The following NAPEPLD variants were observed in gnomAD, a reference collection of about 807,000 sequenced individuals.
The protein encoded by NAPEPLD is N-acyl-phosphatidylethanolamine-hydrolyzing phospholipase D.
NAPEPLD carries 23 observed loss-of-function variants against 38.1 expected under a neutral mutation model. The observed-to-expected ratio is 0.60, with a 90% CI of 0.43 to 0.86. The LOEUF is 0.86. NAPEPLD is among the 40% of genes least tolerant of loss of function. The pLI is 0.00. For synonymous variants in NAPEPLD, 147 were observed against 162.0 expected, an observed-to-expected ratio of 0.91 and a Z score of 0.71; for missense variants, 411 against 476.8, an observed-to-expected ratio of 0.86 and a Z score of 1.28.
intron 1 of NAPEPLD, among the ~76,000 whole-genome samples, chr7:103,143,976 C>T (rs574670697): frequency 4.6e-5 from 7 of 152,194 alleles, no homozygotes; most frequent in Admixed American, 3.9e-4. Context: ...AGCCACGGCA[C>T]CTGGTCCATT....
intron 4 of NAPEPLD, among the ~76,000 whole-genome samples, chr7:103,108,574 A>G (rs1237554971): frequency 6.6e-6 from 1 of 152,214 alleles, no homozygotes; most frequent in Non-Finnish European, 1.5e-5. Flanking sequence ...CCTGCCTTAC[A>G]AGAGCTCCTG....
At chr7:103,104,316 G>A (rs1007909173) in intron 4 of NAPEPLD, among the ~76,000 whole-genome samples, 5 of 152,208 alleles carry the variant, frequency 3.3e-5, no homozygotes, top group African/African-American at 9.7e-5. Flanking sequence ...CAGCAGGTAG[G>A]TGGTATTTGA....
At chr7:103,116,303 T>G (rs1182242778) in intron 3 of NAPEPLD, among the ~76,000 whole-genome samples, 1 of 152,150 alleles carries the variant, frequency 6.6e-6, no homozygotes, top group Non-Finnish European at 1.5e-5. Context: ...CCTTGTGATC[T>G]GCCTGCCTCC....
intron 3 of NAPEPLD, among the ~76,000 whole-genome samples, chr7:103,119,069 G>A (rs975502961): frequency 6.6e-6 from 1 of 152,206 alleles, no homozygotes; most frequent in Non-Finnish European, 1.5e-5. Flanking sequence ...GTTATATAAA[G>A]AAAGTATTCT....
At chr7:103,149,372 G>A (rs766494290), upstream of NAPEPLD, 55 of 1,168,482 alleles carry the variant, frequency 4.7e-5, no homozygotes, top group South Asian at 7.3e-4. Context: ...GTAGCGGGAG[G>A]GGCGACCGCG....
intron 4 of NAPEPLD, among the ~76,000 whole-genome samples, chr7:103,104,502 T>C (rs1007366785): frequency 6.6e-6 from 1 of 152,206 alleles, no homozygotes; most frequent in Non-Finnish European, 1.5e-5. Context: ...TCCTGAGCCC[T>C]TAAATGCACA....
At chr7:103,105,932 CAAAAAAAAAAAAAA>C (rs1194781765) in intron 4 of NAPEPLD, among the ~76,000 whole-genome samples, 2 of 49,970 alleles carry the variant, frequency 4.0e-5, no homozygotes, top group Non-Finnish European at 7.4e-5. Flanking sequence ...GACTCCGTCT[CAAAAAAAAAAAAAA>C]AAAAAAAAAA....
chr7:103,128,818 C>T, intron 1 of NAPEPLD, 26 bp from the exon 2 acceptor site: 2 of 1,579,652 alleles, frequency 1.3e-6, no homozygotes, highest in Non-Finnish European at 1.7e-6. Context: ...GGGAAAAATA[C>T]TGAGTTGAAC....
intron 1 of NAPEPLD, among the ~76,000 whole-genome samples, chr7:103,133,076 A>G (rs1210317979): frequency 2.0e-5 from 3 of 152,194 alleles, no homozygotes; most frequent in Non-Finnish European, 2.9e-5. Flanking sequence ...AAACAAAACG[A>G]AAAAACCTCC....
chr7:103,115,109 G>C lies in NAPEPLD; in HGVS notation c.1007C>G (p.Thr336Arg), dbSNP rs978141629. Residue 336 changes from threonine (T) to arginine (R), a missense_variant, in exon 4 of 5, where the codon ACA (threonine) becomes AGA (arginine). By Grantham distance (71) the Thr-to-Arg change is moderately conservative. Transcript: ENST00000465647. ...EAVRIHTDVQTKKSMAIHWGT... is the reference protein window; with the variant it reads ...EAVRIHTDVQRKKSMAIHWGT... ...CCAGTGAATTGCCATAGATTTCTTT[G>C]TTTGGACATCAGTGTGAATCCTTAC... 2 of 1,613,916 alleles carry C rather than the reference G, an allele frequency of 1.2e-6. No homozygotes were observed. The highest frequency in any genetic ancestry group is 1.7e-6 in the Non-Finnish European group (2 of 1,179,920).
At chr7:103,120,352 C>T (rs1173556823) in intron 2 of NAPEPLD, 129 bp from the exon 3 acceptor site, 2 of 965,352 alleles carry the variant, frequency 2.1e-6, no homozygotes, top group East Asian at 2.6e-5. Context: ...ATTCAATAAA[C>T]TTGCTACACT....
At chr7:103,135,009 T>C (rs1809739897) in intron 1 of NAPEPLD, among the ~76,000 whole-genome samples, 1 of 152,218 alleles carries the variant, frequency 6.6e-6, no homozygotes, top group Non-Finnish European at 1.5e-5. Context: ...TGCTTTATCA[T>C]GTAAACAGCT....
In NAPEPLD at chr7:103,103,303, C is replaced by T. The variant is rs1423222036; in HGVS notation, c.*126G>A. On this transcript the variant is annotated 3_prime_UTR_variant, in exon 5 of 5. Coordinates refer to ENST00000465647, the MANE Select transcript of NAPEPLD (RefSeq NM_001122838.3). ...GCAAGTTATTACACAAAACATAAAA[C>T]ATAAACTTGCAGAAGTTGTTTCCAA... The T allele has an allele frequency of 8.5e-7, 1 of 1,176,130 alleles. No individual in the cohort carries two copies. The highest frequency in any genetic ancestry group is 1.6e-5 in the African/African-American group (1 of 64,386). 72.9% of individuals were successfully genotyped at this position (1,176,130 alleles called of 1,614,324 possible).
intron 1 of NAPEPLD, among the ~76,000 whole-genome samples, chr7:103,133,898 T>C (rs1250900148): frequency 6.6e-6 from 1 of 152,200 alleles, no homozygotes; most frequent in Non-Finnish European, 1.5e-5. Flanking sequence ...GATCTTTCCA[T>C]TGTACTGATT....
chr7:103,130,793 C>T (rs987545768), intron 1 of NAPEPLD, among the ~76,000 whole-genome samples: 2 of 152,084 alleles, frequency 1.3e-5, no homozygotes, highest in African/African-American at 4.8e-5. Context: ...GATGGGGTTT[C>T]ACCGTGTTAC....
At chr7:103,103,890 GT>G (rs1802774572) in intron 4 of NAPEPLD, among the ~76,000 whole-genome samples, 1 of 152,202 alleles carries the variant, frequency 6.6e-6, no homozygotes, top group Admixed American at 6.5e-5. Context: ...CAAAGATGAT[GT>G]TATTAGAGAA....
At chr7:103,108,929 G>C (rs1437362300) in intron 4 of NAPEPLD, among the ~76,000 whole-genome samples, 2 of 152,090 alleles carry the variant, frequency 1.3e-5, no homozygotes, top group Non-Finnish European at 2.9e-5. Flanking sequence ...AAAAAAAGCA[G>C]GGGTTGTAAT....
chr7:103,128,571 C>A lies in NAPEPLD; in HGVS notation c.206G>T (p.Trp69Leu). 1 of 1,614,156 alleles carries A rather than the reference C, an allele frequency of 6.2e-7. No homozygotes were observed. The highest frequency in any genetic ancestry group is 8.5e-7 in the Non-Finnish European group (1 of 1,180,032). Residue 69 changes from tryptophan (W) to leucine (L), a missense_variant, in exon 2 of 5, where the codon TGG becomes TTG. Physicochemically the swap from Trp to Leu is moderately conservative, Grantham distance 61. Coordinates refer to ENST00000465647, the MANE Select transcript of NAPEPLD (RefSeq NM_001122838.3). ...KGKDGRFVNP[W>L]PTWKNPSIPN... is the part of the protein sequence containing the mutation. ...AATAGAGGGGTTTTTCCATGTTGGC[C>A]ACGGATTCACAAATCTCCCATCTTT...
intron 1 of NAPEPLD, among the ~76,000 whole-genome samples, chr7:103,131,218 C>T (rs1476169500): frequency 1.3e-5 from 2 of 151,926 alleles, no homozygotes; most frequent in African/African-American, 4.8e-5. Flanking sequence ...CTACCAAATA[C>T]ATTAATAAAT....
Sources: gnomAD v4.1 joint callset for allele counts (sites outside exome capture counted in the v4.1 genomes callset) on GRCh38, gnomAD v4.1.1 for gene constraint, MANE v1.5 for transcripts, NCBI Gene and HGNC (gene_info 2026-07-23, HGNC 2026-07-21) for gene names.